TSPAN9: variants seen among roughly 807,000 people sequenced by gnomAD.
The protein encoded by TSPAN9 is tetraspanin 9.
Under a neutral mutation model 31.0 loss-of-function variants are expected in TSPAN9, and 16 were observed. The observed-to-expected ratio is 0.52, with a 90% CI of 0.35 to 0.78. TSPAN9 has a LOEUF of 0.78. Ranked by LOEUF, TSPAN9 falls within the 30% of genes least tolerant of loss-of-function variation. TSPAN9 has a pLI of 0.01. For synonymous variants in TSPAN9, 145 were observed against 121.6 expected (o/e 1.19, Z -1.27); for missense variants, 272 against 312.5 (o/e 0.87, Z 0.98).
intron 3 of TSPAN9, among the ~76,000 whole-genome samples, chr12:3,255,552 A>T (rs1473902203): frequency 6.6e-6 from 1 of 152,188 alleles, no homozygotes; most frequent in Non-Finnish European, 1.5e-5. Flanking sequence ...TGGCCTTTGT[A>T]AGCTGGTGTG....
intron 3 of TSPAN9, among the ~76,000 whole-genome samples, chr12:3,246,116 T>C (rs1194155735): frequency 1.6e-5 from 2 of 124,478 alleles, no homozygotes; most frequent in Non-Finnish European, 3.6e-5. Context: ...TCAGAGAGCT[T>C]TCAGTCATGG....
intron 3 of TSPAN9, among the ~76,000 whole-genome samples, chr12:3,207,557 T>C (rs547185936): frequency 3.9e-5 from 6 of 152,236 alleles, no homozygotes; most frequent in Non-Finnish European, 8.8e-5. Flanking sequence ...TAACCAGCCA[T>C]GGGACATCAG....
At chr12:3,190,447 G>A (rs374064312) in intron 2 of TSPAN9, among the ~76,000 whole-genome samples, 2 of 152,374 alleles carry the variant, frequency 1.3e-5, no homozygotes, top group African/African-American at 4.8e-5. Flanking sequence ...TCCAGGAGCA[G>A]TGGGCTCAGT....
chr12:3,215,852 T>C (rs1396652910), intron 3 of TSPAN9, among the ~76,000 whole-genome samples: 3 of 152,008 alleles, frequency 2.0e-5, no homozygotes, highest in African/African-American at 7.2e-5. Context: ...CCTCTCCGTC[T>C]GGAGCCTGTA....
intron 2 of TSPAN9, among the ~76,000 whole-genome samples, chr12:3,145,162 C>T (rs1203699945): frequency 3.9e-5 from 6 of 152,288 alleles, no homozygotes; most frequent in Admixed American, 1.3e-4. Context: ...TGGTGGATGA[C>T]GCGTTTGTCA....
Position 3,280,476 on chromosome 12 carries a change from A to G in TSPAN9, c.425A>G (p.Gln142Arg). 1.9e-6 allele frequency: 3 copies of G among 1,612,016 alleles called. No individual in the cohort carries two copies. Among genetic ancestry groups the G allele is most frequent in the Non-Finnish European group, 2.5e-6 (3 of 1,179,860 alleles). ...VGLKNAWNII[Q>R]AEMRCCGVTD... ...CTGAAGAACGCCTGGAACATCATCC[A>G]GGCTGAGGTGCGGGCTGGGCCGCCC... is the stretch of plus-strand genomic sequence containing the variant. The change falls in exon 6 of 9, where the codon CAG (glutamine) becomes CGG (arginine). Residue 142 changes from glutamine (Q) to arginine (R), a missense_variant. Physicochemically the swap from Gln to Arg is conservative, Grantham distance 43. Coordinates refer to ENST00000011898, the MANE Select transcript of TSPAN9 (RefSeq NM_006675.5). The surrounding 1 kb of genome is among the most constrained non-coding windows in gnomAD (Gnocchi z 4.5).
intron 3 of TSPAN9, among the ~76,000 whole-genome samples, chr12:3,274,814 G>A (rs935136858): frequency 2.6e-5 from 4 of 152,238 alleles, no homozygotes; most frequent in African/African-American, 4.8e-5. Flanking sequence ...CGTGGCACCC[G>A]CTGTACTGCA....
At chr12:3,275,392 C>A (rs904770601) in intron 3 of TSPAN9, among the ~76,000 whole-genome samples, 1 of 152,128 alleles carries the variant, frequency 6.6e-6, no homozygotes, top group East Asian at 1.9e-4. Flanking sequence ...AGCTCCCCTG[C>A]AGCGAGTACC....
At chr12:3,228,715 T>C (rs981278087) in intron 3 of TSPAN9, among the ~76,000 whole-genome samples, 6 of 152,206 alleles carry the variant, frequency 3.9e-5, no homozygotes, top group African/African-American at 1.4e-4. Context: ...TTGGCACAGC[T>C]CCCTTCCAGG....
intron 3 of TSPAN9, among the ~76,000 whole-genome samples, chr12:3,268,001 G>A (rs1862567972): frequency 6.6e-6 from 1 of 152,158 alleles, no homozygotes; most frequent in Admixed American, 6.5e-5. Context: ...CATGTCGAAG[G>A]GTCCTCCTCA....
chr12:3,214,360 T>C (rs2098380270), intron 3 of TSPAN9, among the ~76,000 whole-genome samples: 1 of 152,234 alleles, frequency 6.6e-6, no homozygotes, highest in South Asian at 2.1e-4. Context: ...ACTACGTGTG[T>C]GCTCAGTGTG....
intron 2 of TSPAN9, chr12:3,200,917 G>A: frequency 2.7e-6 from 1 of 376,906 alleles, no homozygotes; most frequent in Non-Finnish European, 4.7e-6. Flanking sequence ...GGAACGCCGC[G>A]AGCATGGAGA....
At chr12:3,125,577 CTA>C (rs1445574727) in intron 2 of TSPAN9, among the ~76,000 whole-genome samples, 1 of 152,088 alleles carries the variant, frequency 6.6e-6, no homozygotes. Context: ...ATTTTTCACT[CTA>C]TAAGAAGACC....
At chr12:3,084,778 C>T (rs565133079) in intron 2 of TSPAN9, among the ~76,000 whole-genome samples, 7 of 152,360 alleles carry the variant, frequency 4.6e-5, no homozygotes, top group African/African-American at 1.7e-4. Context: ...GCAGGTAAGG[C>T]CCACATAGTG....
At chr12:3,225,665 A>AT (rs1350323093) in intron 3 of TSPAN9, among the ~76,000 whole-genome samples, 1 of 152,022 alleles carries the variant, frequency 6.6e-6, no homozygotes, top group Non-Finnish European at 1.5e-5. Flanking sequence ...GAAAGTGGGC[A>AT]GACGGCCCCC....
intron 2 of TSPAN9, among the ~76,000 whole-genome samples, chr12:3,164,123 GAGGAA>G (rs2098347011): frequency 1.3e-5 from 2 of 152,238 alleles, no homozygotes; most frequent in Non-Finnish European, 2.9e-5. Flanking sequence ...TCCCTGATGA[GAGGAA>G]AGGGAAGGAA....
chr12:3,089,297 GA>G (rs2098302661), intron 2 of TSPAN9, among the ~76,000 whole-genome samples: 1 of 96,244 alleles, frequency 1.0e-5, no homozygotes, highest in Non-Finnish European at 2.0e-5. Flanking sequence ...AATTCAAGGT[GA>G]ATTTTTTTTT....
intron 3 of TSPAN9, among the ~76,000 whole-genome samples, chr12:3,229,781 C>A (rs528316665): frequency 6.7e-6 from 1 of 148,562 alleles, no homozygotes; most frequent in South Asian, 2.2e-4. Flanking sequence ...ACAGCTGGGG[C>A]TGAATGCAAA....
At chr12:3,129,881 G>C (rs541699217) in intron 2 of TSPAN9, among the ~76,000 whole-genome samples, 1 of 152,174 alleles carries the variant, frequency 6.6e-6, no homozygotes, top group Admixed American at 6.5e-5. Flanking sequence ...GAGCCTGGCA[G>C]AGGTAGAACC....
Sources: gnomAD v4.1 joint callset for allele counts (sites outside exome capture counted in the v4.1 genomes callset) on GRCh38, gnomAD v4.1.1 for gene constraint, Gnocchi (gnomAD v3.1) non-coding constraint, MANE v1.5 for transcripts, NCBI Gene and HGNC (gene_info 2026-07-23, HGNC 2026-07-21) for gene names.